ABCG8: variants seen among roughly 807,000 people sequenced by gnomAD.
ABCG8 encodes the protein ATP binding cassette subfamily G member 8, also known as ATP-binding cassette sub-family G member 8.
ABCG8 carries 81 observed loss-of-function variants against 71.3 expected under a neutral mutation model. The observed-to-expected ratio is 1.14, with a 90% CI of 0.95 to 1.37. The LOEUF is 1.37. Among genes scored for constraint, ABCG8 ranks in the 40% most tolerant of loss-of-function variants. The pLI, the probability that ABCG8 is intolerant of heterozygous loss-of-function variation, is 0.00. For missense variants in ABCG8, 1,119 were observed against 866.2 expected (o/e 1.29, Z -3.66); for synonymous variants, 451 against 354.7 (o/e 1.27, Z -3.05).
chr2:43,844,752 C>CT lies in ABCG8; in HGVS notation c.165+144_165+145insT, dbSNP rs1178709444. 5.9e-6 allele frequency: 4 copies of CT among 676,572 alleles called. No homozygotes were observed. In the Admixed American group the frequency reaches 8.6e-5, roughly 15 times the overall value. The allele number at this position is 676,572 out of a possible 1,614,324, so 41.9% of individuals were successfully genotyped here. ...CAGTCCACATTGATGCCTCACGTGT[C>CT]AGGTGCAATAGGTGTCATCAATGGC... is the stretch of plus-strand genomic sequence containing the variant. On this transcript the variant is annotated intron_variant, in intron 2 of 12. Coordinates refer to ENST00000272286, the MANE Select transcript of ABCG8 (RefSeq NM_022437.3).
At chr2:43,876,461 A>T (rs531788263) in intron 11 of ABCG8, among the ~76,000 whole-genome samples, 5 of 151,684 alleles carry the variant, frequency 3.3e-5, no homozygotes, top group Non-Finnish European at 5.9e-5. Context: ...GATATAAAGG[A>T]GATCATGGGA....
chr2:43,844,426 C>T (rs1248632826), intron 1 of ABCG8, 81 bp from the exon 2 acceptor site: 5 of 1,158,444 alleles, frequency 4.3e-6, no homozygotes, highest in Non-Finnish European at 6.4e-6. Context: ...AAGTTGCTCT[C>T]ACCTGTTGGT....
rs773965857 is a variant in ABCG8 at position 43,851,792 on chromosome 2, A to G, written c.531A>G (p.Arg177=). The G allele has an allele frequency of 6.2e-7, 1 of 1,614,076 alleles. No homozygotes were observed. Among genetic ancestry groups the G allele is most frequent in the East Asian group, 2.2e-5 (1 of 44,886 alleles). Residue 177 remains arginine, a synonymous_variant, in exon 4 of 13, where the codon AGA becomes AGG. Transcript: ENST00000272286. ...TCATTGCCCAGATGCGGCTGCCCAG[A>G]ACCTTCTCCCAGGCCCAGCGTGACA... ...LAFIAQMRLP[R]TFSQAQRDKR... is the part of the protein sequence containing the mutation.
rs780444379 is a variant in ABCG8, at chr2:43,844,620, C to T, written c.165+12C>T. 9 of 1,602,774 alleles carry T rather than the reference C, an allele frequency of 5.6e-6. No homozygotes were observed. The South Asian group carries it at 9.9e-5, about 18-fold the overall frequency. ...ACCTCAACTACCAGGTAGAGGCACG[C>T]CTGGGTTCAAGGGGAGAGGAGCAGG... On this transcript the variant is annotated intron_variant, in intron 2 of 12. Transcript: ENST00000272286.
At chr2:43,875,023 G>A (rs920411809) in intron 10 of ABCG8, 123 bp from the exon 11 acceptor site, 13 of 1,405,564 alleles carry the variant, frequency 9.2e-6, no homozygotes, top group African/African-American at 5.6e-5. Flanking sequence ...ACACCCTCCT[G>A]CCACAGCCTC....
At chr2:43,870,274 AATCTGGATAGAATTCTCACT>A (rs1302362236) in intron 6 of ABCG8, among the ~76,000 whole-genome samples, 1 of 150,034 alleles carries the variant, frequency 6.7e-6, no homozygotes, top group African/African-American at 2.5e-5. Context: ...GAATTCTCAC[AATCTGGATAGAATTCTCACT>A]ATCTGGATAG....
At position 43,881,152 on chromosome 2, in the gene ABCG8, C is replaced by T. The variant is rs892774199; in HGVS notation, c.*3239C>T. ...CACCTGACTTTGTGAGTTCACCATTCGGTCTGCAATGGGTTTTGGTAACTC... is the reference window on the plus strand; with the variant it reads ...CACCTGACTTTGTGAGTTCACCATTTGGTCTGCAATGGGTTTTGGTAACTC... On this transcript the variant is annotated 3_prime_UTR_variant, in exon 13 of 13. Transcript: ENST00000272286. 2.0e-5 allele frequency: 3 copies of T among 152,286 alleles called. No individual in the cohort carries two copies. The highest frequency in any genetic ancestry group is 4.4e-5 in the Non-Finnish European group (3 of 68,062). 9.4% of individuals were successfully genotyped at this position (152,286 alleles called of 1,614,324 possible).
At chr2:43,864,679 G>A (rs1190462076) in intron 6 of ABCG8, among the ~76,000 whole-genome samples, 1 of 151,390 alleles carries the variant, frequency 6.6e-6, no homozygotes, top group Admixed American at 6.6e-5. Flanking sequence ...TCTCTGCATA[G>A]AACTCTCACT....
intron 2 of ABCG8, among the ~76,000 whole-genome samples, 171 bp from the exon 3 acceptor site, chr2:43,845,984 T>C (rs1668730573): frequency 6.6e-6 from 1 of 152,216 alleles, no homozygotes; most frequent in African/African-American, 2.4e-5. Context: ...GTTCTCAGCA[T>C]GGGTCCTGCT....
chr2:43,868,015 C>G (rs1669595456), intron 6 of ABCG8, among the ~76,000 whole-genome samples: 1 of 152,178 alleles, frequency 6.6e-6, no homozygotes, highest in Non-Finnish European at 1.5e-5. Flanking sequence ...AGAACTCTCA[C>G]TATCAATCTG....
rs1457685690 is a variant in ABCG8 at position 43,872,135 on chromosome 2, A to C, written c.1124A>C (p.Glu375Ala). 6 of 1,614,110 alleles carry C rather than the reference A, an allele frequency of 3.7e-6. No homozygotes were observed. Among genetic ancestry groups the C allele is most frequent in the Non-Finnish European group, 5.1e-6 (6 of 1,180,032 alleles). ...GATCTTGACGAGGACACCTGTGTGG[A>C]AAGGTAAGGTGGCAGGCGACTCTGA... ...TKDLDEDTCV[E>A]SSVTPLDTNC... The change falls in exon 7 of 13, where the codon GAA (glutamate) becomes GCA (alanine). Residue 375 changes from glutamate to alanine, a missense_variant. Coordinates refer to ENST00000272286, the MANE Select transcript of ABCG8 (RefSeq NM_022437.3).
intron 6 of ABCG8, among the ~76,000 whole-genome samples, chr2:43,867,358 A>C (rs1434627152): frequency 6.8e-6 from 1 of 146,262 alleles, no homozygotes; most frequent in Non-Finnish European, 1.5e-5. Flanking sequence ...AAAAAAAAAA[A>C]AGAATTCTCA....
rs1232837602 is a variant in ABCG8, at chr2:43,880,962, A to C, written c.*3049A>C. ...CTGAGTCTGCAGCTGTCTTCCTCAC[A>C]CTCCCGTGGCCCACCACAACTTCCC... On this transcript the variant is annotated 3_prime_UTR_variant, in exon 13 of 13. Transcript: ENST00000272286. The C allele has an allele frequency of 6.6e-6, 1 of 150,678 alleles. No homozygotes were observed. The highest frequency in any genetic ancestry group is 1.9e-4 in the East Asian group (1 of 5,148). The allele number at this position is 150,678 out of a possible 1,614,324, so 9.3% of individuals were successfully genotyped here.
At chr2:43,875,773 G>A (rs1432538509) in intron 11 of ABCG8, among the ~76,000 whole-genome samples, 1 of 152,182 alleles carries the variant, frequency 6.6e-6, no homozygotes, top group Non-Finnish European at 1.5e-5. Flanking sequence ...GCCATAGCCT[G>A]GTCTCTGTAA....
At chr2:43,849,482 A>G (rs114924996) in intron 3 of ABCG8, among the ~76,000 whole-genome samples, 112 of 152,316 alleles carry the variant, frequency 7.4e-4, no homozygotes, top group African/African-American at 2.6e-3. Context: ...ATCTACCTTT[A>G]TGATCCAATC....
At chr2:43,839,611 G>GTTTTTT (rs1238344886) in intron 1 of ABCG8, among the ~76,000 whole-genome samples, 4 of 151,484 alleles carry the variant, frequency 2.6e-5, no homozygotes, top group African/African-American at 7.3e-5. Flanking sequence ...TTTTTTAGTA[G>GTTTTTT]AGACAGTGTT....
intron 6 of ABCG8, among the ~76,000 whole-genome samples, chr2:43,856,578 A>C (rs1254762986): frequency 6.6e-6 from 1 of 151,906 alleles, no homozygotes; most frequent in Non-Finnish European, 1.5e-5. Flanking sequence ...CCATGTAGAT[A>C]GAACTCTCCC....
At chr2:43,851,002 C>T (rs370801835) in intron 3 of ABCG8, among the ~76,000 whole-genome samples, 5 of 151,992 alleles carry the variant, frequency 3.3e-5, no homozygotes, top group African/African-American at 1.2e-4. Flanking sequence ...GTACACTGTG[C>T]TGTAGTTTTA....
intron 6 of ABCG8, among the ~76,000 whole-genome samples, chr2:43,864,986 A>G (rs192139571): frequency 5.3e-5 from 8 of 151,342 alleles, no homozygotes; most frequent in Admixed American, 5.3e-4. Context: ...AACTCTGACT[A>G]TGTATCTGGA....
Sources: allele counts gnomAD v4.1 joint callset (sites outside exome capture counted in the v4.1 genomes callset), GRCh38; gene constraint gnomAD v4.1.1; transcripts MANE v1.5; gene names NCBI Gene and HGNC (gene_info 2026-07-23, HGNC 2026-07-21).